Variants in ZNF28 observed in about 807,000 individuals in gnomAD.
ZNF28 encodes zinc finger protein KOX24.
ZNF28 carries 5 observed loss-of-function variants against 7.2 expected under a neutral mutation model. The ratio of observed to expected loss-of-function variants is 0.70; its 90% CI spans 0.36 to 1.46. The LOEUF (loss-of-function observed/expected upper bound fraction) is 1.46. Among genes scored for constraint, ZNF28 ranks in the 40% most tolerant of loss-of-function variants. The probability of loss-of-function intolerance (pLI) is 0.03; values close to 1 mark genes in which losing one functional copy is unlikely to be tolerated. For missense variants in ZNF28, 879 were observed against 866.6 expected, an observed-to-expected ratio of 1.01 and a Z score of -0.18; for synonymous variants, 288 against 292.4, an observed-to-expected ratio of 0.99 and a Z score of 0.15.
At position 52,800,631 on chromosome 19, in the gene ZNF28, T is replaced by C. The variant is rs758830132; in HGVS notation, c.1214A>G (p.His405Arg). The C allele has an allele frequency of 6.2e-7, 1 of 1,613,420 alleles. No individual in the cohort carries two copies. Among genetic ancestry groups the C allele is most frequent in the South Asian group, 1.1e-5 (1 of 90,936 alleles). The change falls in exon 4 of 4, where the codon CAT (histidine) becomes CGT (arginine). Residue 405 changes from histidine (H) to arginine (R), a missense_variant. Physicochemically the swap from His to Arg is conservative, Grantham distance 29. Transcript: ENST00000457749. ...KSHLERHKRI[H>R]TGEKPYKCKV... The stretch of plus-strand genomic sequence containing the variant: ...ACATTTGTATGGTTTCTCTCCAGTA[T>C]GAATCCTCTTATGTCTTTCAAGATG...
At chr19:52,821,508 G>A (rs2063197902) in intron 1 of ZNF28, 78 bp downstream of exon 1, 2 of 152,276 alleles carry the variant, frequency 1.3e-5, no homozygotes, top group African/African-American at 4.8e-5. Context: ...CCAGGTCTAG[G>A]GGGACCCCAC....
rs1600493480 is a variant in ZNF28 at position 52,821,582 on chromosome 19, T to C, written c.-74+4A>G. On this transcript the variant is annotated splice_donor_region_variant and intron_variant, in intron 1 of 3. Transcript: ENST00000457749. ...GACTTAACACCACACAGAGCAAAAC[T>C]CACCGCCCGCCGCGGCGTCACCGTC... 1.3e-5 allele frequency: 2 copies of C among 152,264 alleles called. No homozygotes were observed. Among genetic ancestry groups the C allele is most frequent in the East Asian group, 3.9e-4 (2 of 5,164 alleles). The allele number at this position is 152,264 out of a possible 1,614,324, so 9.4% of individuals were successfully genotyped here. A position where few individuals can be genotyped will look rare whatever the true frequency, so the allele number is the denominator to read the frequency against.
Position 52,808,602 on chromosome 19 carries a change from C to G in ZNF28, c.16-469G>C, listed in dbSNP as rs565363755. On this transcript the variant is annotated intron_variant, in intron 2 of 3. Coordinates refer to ENST00000457749, the MANE Select transcript of ZNF28 (RefSeq NM_006969.5). ...AGATCCCAGACAGTGTCACTGCACTCCAGCCTGGGCAACAGAAACTCCATC... is the reference window on the plus strand; with the variant it reads ...AGATCCCAGACAGTGTCACTGCACTGCAGCCTGGGCAACAGAAACTCCATC... Among the ~76,000 whole-genome samples the G allele has an allele frequency of 1.5e-3, 230 of 151,488 alleles. 2 individuals carry two copies. Among genetic ancestry groups the G allele is most frequent in the African/African-American group, 5.3e-3 (218 of 41,268 alleles).
intron 1 of ZNF28, 142 bp from the exon 2 acceptor site, chr19:52,818,173 A>G (rs1239921526): frequency 2.3e-6 from 2 of 881,536 alleles, no homozygotes; most frequent in Non-Finnish European, 3.3e-6. Context: ...AAAAATTCCT[A>G]CAGGAAAACT....
intron 2 of ZNF28, among the ~76,000 whole-genome samples, chr19:52,808,963 T>C (rs993107503): frequency 3.9e-5 from 6 of 152,190 alleles, no homozygotes; most frequent in African/African-American, 9.7e-5. Context: ...TTTCAAAATA[T>C]AAAAGATTTT....
At position 52,801,355 on chromosome 19, in the gene ZNF28, C is replaced by T. The variant is rs749551793; in HGVS notation, c.490G>A (p.Val164Ile). ...FQPEGKIGNQ[V>I]EKSINNASSV... ...GAAGCATTGTTGATAGACTTCTCAA[C>T]TTGATTACCAATTTTCCCTTCAGGC... The change falls in exon 4 of 4, where the codon GTT (valine) becomes ATT (isoleucine). Residue 164 changes from valine (V) to isoleucine (I), a missense_variant. This residue lies in a region of ZNF28 where 864 missense variants were observed against 830.2 expected (regional missense o/e 1.04). Transcript: ENST00000457749. 7 of 1,614,154 alleles carry T rather than the reference C, an allele frequency of 4.3e-6. No individual in the cohort carries two copies. The Admixed American group carries it at 1.2e-4, about 27-fold the overall frequency.
At chr19:52,818,361 G>A (rs1469755123) in intron 1 of ZNF28, among the ~76,000 whole-genome samples, 1 of 152,160 alleles carries the variant, frequency 6.6e-6, no homozygotes, top group African/African-American at 2.4e-5. Context: ...AGGATCACTT[G>A]AGCTCAGAAG....
intron 2 of ZNF28, chr19:52,810,768 TA>T (rs201866551): frequency 0.01 from 4,410 of 436,792 alleles, 180 homozygotes; most frequent in African/African-American, 0.054. Flanking sequence ...AAAAAAAGAA[TA>T]AAAAAAAACC....
chr19:52,809,898 C>T (rs369841382), intron 2 of ZNF28: 17 of 816,774 alleles, frequency 2.1e-5, no homozygotes, highest in Middle Eastern at 3.5e-4. Context: ...GCCGGGGCGG[C>T]GCCATCTTGT....
intron 1 of ZNF28, among the ~76,000 whole-genome samples, chr19:52,819,432 C>T (rs111234956): frequency 0.084 from 10,959 of 130,858 alleles, 1,612 homozygotes; most frequent in African/African-American, 0.22. Context: ...CTGCATCCCA[C>T]TGAAAATTCT....
rs112988963 is a variant in ZNF28, at chr19:52,815,552, T to C, written c.15+2392A>G. The stretch of plus-strand genomic sequence containing the variant: ...AATAAAAAAAATAACTGTCTGGGCG[T>C]GGTGGCTCACGCCTGTAATCCCAGC... On this transcript the variant is annotated intron_variant, in intron 2 of 3. Coordinates refer to ENST00000457749, the MANE Select transcript of ZNF28 (RefSeq NM_006969.5). 8.3e-3 allele frequency among the ~76,000 whole-genome samples: 1,205 copies of C among 144,660 alleles called. 182 individuals are homozygous for C. The highest frequency in any genetic ancestry group is 0.031 in the African/African-American group (1,127 of 36,848). The allele number at this position is 144,660 out of a possible 152,430, so 94.9% of individuals were successfully genotyped here.
chr19:52,800,366 T>A lies in ZNF28; in HGVS notation c.1479A>T (p.Lys493Asn), dbSNP rs1044858131. The A allele has an allele frequency of 6.8e-6, 11 of 1,613,980 alleles. No individual in the cohort carries two copies. The highest frequency in any genetic ancestry group is 9.3e-6 in the Non-Finnish European group (11 of 1,180,020). ...TGTCACAAACCTTACATTTGTATGGTTTCTCTCCAGTATGAATCCTCCTAT... is the reference window on the plus strand; with the variant it reads ...TGTCACAAACCTTACATTTGTATGGATTCTCTCCAGTATGAATCCTCCTAT... ...ERHRRIHTGE[K>N]PYKCKVCDKA... Residue 493 changes from lysine (K) to asparagine (N), a missense_variant, in exon 4 of 4, where the codon AAA becomes AAT. This residue lies in a region of ZNF28 where 864 missense variants were observed against 830.2 expected (regional missense o/e 1.04). Transcript: ENST00000457749.
rs147330253 is a variant in ZNF28, at chr19:52,801,571, T to C, written c.274A>G (p.Lys92Glu). The change falls in exon 4 of 4, where the codon AAA (lysine) becomes GAA (glutamate). Residue 92 changes from lysine (K) to glutamate (E), a missense_variant. Physicochemically the swap from Lys to Glu is moderately conservative, Grantham distance 56. This residue lies in a region of ZNF28 where 864 missense variants were observed against 830.2 expected (regional missense o/e 1.04). Transcript: ENST00000457749. Reference sequence around the variant, plus strand: ...TGAAACTGGAAGCCATGAATGTCTTTCTCAATTTTCTGGAAGCAAAAATCT... The same window carrying C: ...TGAAACTGGAAGCCATGAATGTCTTCCTCAATTTTCTGGAAGCAAAAATCT... ...IGDFCFQKIE[K>E]DIHGFQFQWK... 4.6e-4 allele frequency: 738 copies of C among 1,614,214 alleles called. 3 individuals carry two copies. The highest frequency in any genetic ancestry group is 2.2e-3 in the Admixed American group (133 of 60,026).
intron 2 of ZNF28, chr19:52,809,714 C>A (rs1600451088): frequency 5.1e-6 from 2 of 391,824 alleles, no homozygotes; most frequent in African/African-American, 4.3e-5. Flanking sequence ...GCTGAGGCAG[C>A]AAAACGCTTT....
At chr19:52,810,474 C>T (rs1170784753) in intron 2 of ZNF28, 1 of 1,587,050 alleles carries the variant, frequency 6.3e-7, no homozygotes. Context: ...GTGAGGACTT[C>T]CTTGGCCTTG....
rs1046493375 is a variant in ZNF28, at chr19:52,801,443, C to T, written c.402G>A (p.Lys134=). ...GQHDQRHAGN[K]HIKDQLGLSF... ...TTAATCCAAGCTGATCTTTAATATG[C>T]TTGTTTCCAGCATGCCTTTGATCAT... Residue 134 remains lysine (K), a synonymous_variant, in exon 4 of 4, where the codon AAG becomes AAA. Transcript: ENST00000457749. 5 of 1,614,070 alleles carry T rather than the reference C, an allele frequency of 3.1e-6. No individual in the cohort carries two copies. Among genetic ancestry groups the T allele is most frequent in the South Asian group, 1.1e-5 (1 of 91,092 alleles).
chr19:52,812,126 C>A (rs1474328274), intron 2 of ZNF28, among the ~76,000 whole-genome samples: 8 of 118,910 alleles, frequency 6.7e-5, no homozygotes, highest in Non-Finnish European at 9.8e-5. Flanking sequence ...CCAGCCGCCC[C>A]GTCCGGGAGG....
chr19:52,804,953 A>G (rs2062917624), intron 3 of ZNF28, among the ~76,000 whole-genome samples: 1 of 152,202 alleles, frequency 6.6e-6, no homozygotes, highest in South Asian at 2.1e-4. Context: ...GAAGCCATCT[A>G]ATAGCACTAA....
intron 2 of ZNF28, among the ~76,000 whole-genome samples, chr19:52,808,589 G>C (rs2062968505): frequency 6.6e-6 from 1 of 150,994 alleles, no homozygotes; most frequent in African/African-American, 2.4e-5. Context: ...ATCCCAGACA[G>C]TGTCACTGCA....
Sources: gnomAD v4.1 joint callset for allele counts (sites outside exome capture counted in the v4.1 genomes callset) on GRCh38, gnomAD v4.1.1 for gene constraint, gnomAD v4.1.1 regional missense constraint, MANE v1.5 for transcripts, NCBI Gene and HGNC (gene_info 2026-07-23, HGNC 2026-07-21) for gene names.